The following LY6G5C variants were observed in gnomAD, a reference collection of about 807,000 sequenced individuals.
LY6G5C encodes the protein lymphocyte antigen 6 complex locus protein G5c.
In LY6G5C, 6 loss-of-function variants were observed where a neutral mutation model predicts 10.5. That is an observed-to-expected ratio of 0.57 (90% confidence interval 0.31 to 1.12). The LOEUF (loss-of-function observed/expected upper bound fraction) is 1.12. LY6G5C is among the 50% of genes most tolerant of loss of function. The probability of loss-of-function intolerance (pLI) is 0.05; values close to 1 mark genes in which losing one functional copy is unlikely to be tolerated. For missense variants in LY6G5C, 160 were observed against 185.5 expected (o/e 0.86, Z 0.80); for synonymous variants, 69 against 67.8 (o/e 1.02, Z -0.09).
upstream of LY6G5C, among the ~76,000 whole-genome samples, chr6:31,680,861 G>C (rs887295793): frequency 6.6e-6 from 1 of 152,120 alleles, no homozygotes; most frequent in Non-Finnish European, 1.5e-5. This position sits in a 1 kb window ranked among gnomAD's most constrained non-coding sequence, Gnocchi z 4.5. Flanking sequence ...CCGGGAAGTA[G>C]GACGCTATTC....
Position 31,677,271 on chromosome 6 carries a change from TG to T in LY6G5C, c.290-152del. 5.4e-6 allele frequency: 4 copies of T among 740,728 alleles called. No individual in the cohort carries two copies. In the South Asian group the frequency reaches 7.6e-5, roughly 14 times the overall value. The allele number at this position is 740,728 out of a possible 1,614,324, so 45.9% of individuals were successfully genotyped here. A position where few individuals can be genotyped will look rare whatever the true frequency, so the allele number is the denominator to read the frequency against. Reference sequence around the variant, plus strand: ...GGACATGCCCAGTGTTCACCAGCCATGGAACTCCACTGAAGTTCCCATGCAA... The same window carrying T: ...GGACATGCCCAGTGTTCACCAGCCATGAACTCCACTGAAGTTCCCATGCAA... On this transcript the variant is annotated intron_variant, in intron 2 of 2. Coordinates refer to ENST00000383237, the Ensembl canonical transcript of LY6G5C.
rs1802613306 is a variant in LY6G5C at position 31,676,994 on chromosome 6, CA to C, written c.415del (p.Cys139AlafsTer?). ...GAGCCCTCTGTTTTGAGGGTCATTGCAGAAATCCAGGAAGCAGTATTGAGAG... is the reference window on the plus strand; with the variant it reads ...GAGCCCTCTGTTTTGAGGGTCATTGCGAAATCCAGGAAGCAGTATTGAGAG... On this transcript the variant is annotated frameshift_variant, in exon 3 of 3. Transcript: ENST00000383237. LOFTEE classifies it low-confidence loss of function (END_TRUNC). 4.3e-6 allele frequency: 7 copies of C among 1,613,014 alleles called. No individual in the cohort carries two copies. Among genetic ancestry groups the C allele is most frequent in the Non-Finnish European group, 5.9e-6 (7 of 1,180,032 alleles).
chr6:31,679,029 G>T lies in LY6G5C; in HGVS notation c.289+72C>A. 2 of 1,483,464 alleles carry T rather than the reference G, an allele frequency of 1.3e-6. No homozygotes were observed. The highest frequency in any genetic ancestry group is 1.1e-5 in the South Asian group (1 of 88,220). The allele number at this position is 1,483,464 out of a possible 1,614,324, so 91.9% of individuals were successfully genotyped here. A position where few individuals can be genotyped will look rare whatever the true frequency, so the allele number is the denominator to read the frequency against. On this transcript the variant is annotated intron_variant, in intron 2 of 2. Transcript: ENST00000383237. This position sits in a 1 kb window ranked among gnomAD's most constrained non-coding sequence, Gnocchi z 4.4. Reference sequence around the variant, plus strand: ...TGGGATTATGGGAACAAGACTTGGGGTGCAGCTTAGGAGGCTGAGAGAGTT... The same window carrying T: ...TGGGATTATGGGAACAAGACTTGGGTTGCAGCTTAGGAGGCTGAGAGAGTT...
At chr6:31,680,572 G>A (rs576726994), upstream of LY6G5C, among the ~76,000 whole-genome samples, 1 of 152,326 alleles carries the variant, frequency 6.6e-6, no homozygotes, top group South Asian at 2.1e-4. This position sits in a 1 kb window ranked among gnomAD's most constrained non-coding sequence, Gnocchi z 4.5. Context: ...ATGAGAAAAG[G>A]AACTGTCTTT....
At chr6:31,678,837 G>A (rs973250791) in intron 2 of LY6G5C, among the ~76,000 whole-genome samples, 5 of 152,140 alleles carry the variant, frequency 3.3e-5, no homozygotes, top group African/African-American at 9.7e-5. Flanking sequence ...AAAATTAGCT[G>A]GGCGTGGTGG....
rs1802748107 is a variant in LY6G5C, at chr6:31,679,217, T to A, written c.173A>T (p.Lys58Ile). ...GAGGCATCGGTAGCAGCGCAGGTAT[T>A]TGGGGAATGGAAGTGGTTGAGGGGG... Residue 58 changes from lysine (K) to isoleucine (I), a missense_variant, in exon 2 of 3, where the codon AAA becomes ATA. Physicochemically the swap from Lys to Ile is moderately radical, Grantham distance 102. Coordinates refer to ENST00000383237, the Ensembl canonical transcript of LY6G5C. The surrounding 1 kb of genome is among the most constrained non-coding windows in gnomAD (Gnocchi z 4.4). 6.2e-7 allele frequency: 1 copy of A among 1,612,796 alleles called. No individual in the cohort carries two copies.
Position 31,679,856 on chromosome 6 carries a change from G to A in LY6G5C, c.121+397C>T. The A allele has an allele frequency of 5.2e-6, 1 of 192,700 alleles. No homozygotes were observed. The highest frequency in any genetic ancestry group is 1.1e-5 in the Non-Finnish European group (1 of 90,714). 11.9% of individuals were successfully genotyped at this position (192,700 alleles called of 1,614,324 possible). A position where few individuals can be genotyped will look rare whatever the true frequency, so the allele number is the denominator to read the frequency against. Reference sequence around the variant, plus strand: ...GAGGTCAGGAGTTCGAGACCAGCCTGGCCAACATGGTGAAACCCCGTCTCT... The same window carrying A: ...GAGGTCAGGAGTTCGAGACCAGCCTAGCCAACATGGTGAAACCCCGTCTCT... On this transcript the variant is annotated intron_variant, in intron 1 of 2. Transcript: ENST00000383237. This position sits in a 1 kb window ranked among gnomAD's most constrained non-coding sequence, Gnocchi z 4.4.
Position 31,679,833 on chromosome 6 carries a change from G to A in LY6G5C, c.121+420C>T. 5.2e-6 allele frequency: 1 copy of A among 191,180 alleles called. No homozygotes were observed. Among genetic ancestry groups the A allele is most frequent in the Non-Finnish European group, 1.1e-5 (1 of 89,962 alleles). The allele number at this position is 191,180 out of a possible 1,614,324, so 11.8% of individuals were successfully genotyped here. ...GAGGCCAAGGCGGGCAGGTACCTGAGGTCAGGAGTTCGAGACCAGCCTGGC... is the reference window on the plus strand; with the variant it reads ...GAGGCCAAGGCGGGCAGGTACCTGAAGTCAGGAGTTCGAGACCAGCCTGGC... On this transcript the variant is annotated intron_variant, in intron 1 of 2. Coordinates refer to ENST00000383237, the Ensembl canonical transcript of LY6G5C. The surrounding 1 kb of genome is among the most constrained non-coding windows in gnomAD (Gnocchi z 4.4).
At position 31,679,132 on chromosome 6, in the gene LY6G5C, G is replaced by T. The variant is rs751368355; in HGVS notation, c.258C>A (p.Gly86=). 5 of 1,613,054 alleles carry T rather than the reference G, an allele frequency of 3.1e-6. No homozygotes were observed. Among genetic ancestry groups the T allele is most frequent in the Non-Finnish European group, 3.4e-6 (4 of 1,180,018 alleles). Residue 86 remains glycine, a synonymous_variant, in exon 2 of 3, where the codon GGC becomes GGA. Transcript: ENST00000383237. This position sits in a 1 kb window ranked among gnomAD's most constrained non-coding sequence, Gnocchi z 4.4. ...TTTTGTGGAGAGTGATGCAGCTGCT[G>T]CCAGCTGGGGTGAGGCAGATGTCAG...
exon 3 of LY6G5C, chr6:31,676,899 A>T: frequency 2.6e-6 from 4 of 1,557,442 alleles, no homozygotes; most frequent in Non-Finnish European, 3.5e-6. Flanking sequence ...CCCAGATAGA[A>T]GTCAGGAAGG....
Position 31,679,665 on chromosome 6 carries a change from T to C in LY6G5C, c.122-397A>G, listed in dbSNP as rs17207322. Reference sequence around the variant, plus strand: ...ACACTCCCTAACCCTCCCTATTCTATGTTGCCCTCAGATCCAGAGAGGATT... The same window carrying C: ...ACACTCCCTAACCCTCCCTATTCTACGTTGCCCTCAGATCCAGAGAGGATT... On this transcript the variant is annotated intron_variant, in intron 1 of 2. Coordinates refer to ENST00000383237, the Ensembl canonical transcript of LY6G5C. The surrounding 1 kb of genome is among the most constrained non-coding windows in gnomAD (Gnocchi z 4.4). 2,055 of 260,230 alleles carry C rather than the reference T, an allele frequency of 7.9e-3. 76 individuals carry two copies. The highest frequency in any genetic ancestry group is 0.078 in the South Asian group (1,241 of 15,842). The allele number at this position is 260,230 out of a possible 1,614,324, so 16.1% of individuals were successfully genotyped here. A position where few individuals can be genotyped will look rare whatever the true frequency, so the allele number is the denominator to read the frequency against.
chr6:31,680,347 C>A lies in LY6G5C; in HGVS notation c.27G>T (p.Gly9=). 6.4e-7 allele frequency: 1 copy of A among 1,568,044 alleles called. No homozygotes were observed. Among genetic ancestry groups the A allele is most frequent in the East Asian group, 2.2e-5 (1 of 44,624 alleles). Residue 9 remains glycine, a synonymous_variant, in exon 1 of 3, where the codon GGG becomes GGT. Transcript: ENST00000383237. This position sits in a 1 kb window ranked among gnomAD's most constrained non-coding sequence, Gnocchi z 4.5. The stretch of plus-strand genomic sequence containing the variant: ...AGCACAGGGGACCCAGACTCTGGCT[C>A]CCTGCAGGGCCTGCCATAAAACGCA...
chr6:31,676,900 G>A, exon 3 of LY6G5C: 3 of 1,563,318 alleles, frequency 1.9e-6, no homozygotes, highest in East Asian at 2.2e-5. Flanking sequence ...CCAGATAGAA[G>A]TCAGGAAGGT....
At chr6:31,677,201 C>CAAA in intron 2 of LY6G5C, 81 bp from the exon 3 acceptor site, 5 of 1,164,096 alleles carry the variant, frequency 4.3e-6, no homozygotes, top group Admixed American at 2.6e-5. Flanking sequence ...ACTCATAAGT[C>CAAA]AAAAAAAAAA....
Position 31,679,478 on chromosome 6 carries a change from T to A in LY6G5C, c.122-210A>T, listed in dbSNP as rs1269980700. 1.7e-6 allele frequency: 1 copy of A among 598,046 alleles called. No homozygotes were observed. The highest frequency in any genetic ancestry group is 3.0e-6 in the Non-Finnish European group (1 of 336,204). 37.0% of individuals were successfully genotyped at this position (598,046 alleles called of 1,614,324 possible). A position where few individuals can be genotyped will look rare whatever the true frequency, so the allele number is the denominator to read the frequency against. ...TAAGGCCAGACCACATGTTAACAAA[T>A]CCCCAGACCCAGCAGAGCACTTGGT... On this transcript the variant is annotated intron_variant, in intron 1 of 2. Transcript: ENST00000383237. This position sits in a 1 kb window ranked among gnomAD's most constrained non-coding sequence, Gnocchi z 4.4.
chr6:31,678,183 A>G (rs1336916048), intron 2 of LY6G5C, among the ~76,000 whole-genome samples: 1 of 152,186 alleles, frequency 6.6e-6, no homozygotes, highest in Non-Finnish European at 1.5e-5. Flanking sequence ...AGCACATATT[A>G]TGTGTTACGT....
chr6:31,676,948 G>A, exon 3 of LY6G5C: 1 of 1,606,514 alleles, frequency 6.2e-7, no homozygotes, highest in Non-Finnish European at 8.5e-7. Flanking sequence ...AAAGTTTGCT[G>A]CAGTCACACT....
chr6:31,680,779 A>G (rs898773626), upstream of LY6G5C, among the ~76,000 whole-genome samples: 1 of 152,204 alleles, frequency 6.6e-6, no homozygotes, highest in Non-Finnish European at 1.5e-5. The surrounding 1 kb of genome is among the most constrained non-coding windows in gnomAD (Gnocchi z 4.5). Context: ...GCAGAGGAGT[A>G]ACTTGATCGG....
upstream of LY6G5C, chr6:31,680,398 G>A: frequency 6.3e-7 from 1 of 1,598,334 alleles, no homozygotes; most frequent in Non-Finnish European, 8.5e-7. This position sits in a 1 kb window ranked among gnomAD's most constrained non-coding sequence, Gnocchi z 4.5. Context: ...CTCCAGTTTG[G>A]GCTTATATTG....
Sources: allele counts gnomAD v4.1 joint callset (sites outside exome capture counted in the v4.1 genomes callset), GRCh38; gene constraint gnomAD v4.1.1; non-coding constraint Gnocchi (gnomAD v3.1); transcripts MANE v1.5; gene names NCBI Gene and HGNC (gene_info 2026-07-23, HGNC 2026-07-21).